SNAP23: variants seen among roughly 807,000 people sequenced by gnomAD.
SNAP23 encodes synaptosomal-associated protein 23.
In SNAP23, 11 loss-of-function variants were observed where a neutral mutation model predicts 29.0. That is an observed-to-expected ratio of 0.38 (90% confidence interval 0.24 to 0.63). The LOEUF (loss-of-function observed/expected upper bound fraction) is 0.63. Ranked by LOEUF, SNAP23 falls within the 20% of genes least tolerant of loss-of-function variation. SNAP23 has a pLI of 0.58. For missense variants in SNAP23, 220 were observed against 253.9 expected, an observed-to-expected ratio of 0.87 and a Z score of 0.91; for synonymous variants, 60 against 82.9, an observed-to-expected ratio of 0.72 and a Z score of 1.50.
chr15:42,491,429 A>C (rs1375284825), upstream of SNAP23: 1 of 152,222 alleles, frequency 6.6e-6, no homozygotes, highest in East Asian at 1.9e-4. Flanking sequence ...TCCTTTAGTC[A>C]GTGGCAACTG....
At chr15:42,494,838 T>G (rs550181706), upstream of SNAP23, among the ~76,000 whole-genome samples, 3 of 152,242 alleles carry the variant, frequency 2.0e-5, no homozygotes, top group Admixed American at 2.0e-4. Context: ...CTTTTCTTGA[T>G]TTCCAGCAGT....
intron 6 of SNAP23, 108 bp downstream of exon 6, chr15:42,528,528 T>A: frequency 1.8e-6 from 2 of 1,093,884 alleles, no homozygotes; most frequent in Non-Finnish European, 2.6e-6. Flanking sequence ...AAATTGTATT[T>A]ATTCCATTTT....
At chr15:42,500,477 C>T (rs866373515) in intron 1 of SNAP23, among the ~76,000 whole-genome samples, 1 of 150,020 alleles carries the variant, frequency 6.7e-6, no homozygotes, top group Non-Finnish European at 1.5e-5. Context: ...CAACCTCTGC[C>T]TCCTGGGTTC....
In SNAP23 at chr15:42,531,485, T is replaced by C; in HGVS notation, c.*7T>C. 1 of 1,592,698 alleles carries C rather than the reference T, an allele frequency of 6.3e-7. No individual in the cohort carries two copies. Among genetic ancestry groups the C allele is most frequent in the Non-Finnish European group, 8.6e-7 (1 of 1,167,432 alleles). On this transcript the variant is annotated 3_prime_UTR_variant, in exon 8 of 8. Coordinates refer to ENST00000249647, the MANE Select transcript of SNAP23 (RefSeq NM_003825.4). ...GAAACTCATTGACAGCTAAAGCTAC[T>C]GCTGTTCTTCTTTATCATTTATTCA... is the stretch of plus-strand genomic sequence containing the variant.
intron 1 of SNAP23, among the ~76,000 whole-genome samples, chr15:42,504,852 C>T (rs1429196506): frequency 1.3e-5 from 2 of 152,102 alleles, no homozygotes; most frequent in African/African-American, 2.4e-5. Flanking sequence ...CCTCTTGCTG[C>T]GGATGCATTG....
intron 5 of SNAP23, among the ~76,000 whole-genome samples, chr15:42,524,342 T>A (rs1464605396): frequency 6.6e-6 from 1 of 152,166 alleles, no homozygotes; most frequent in African/African-American, 2.4e-5. Context: ...TGCAGCCTAC[T>A]ATCTATGTGT....
intron 2 of SNAP23, chr15:42,512,344 A>AAAAT (rs1240047281): frequency 6.6e-6 from 1 of 152,164 alleles, no homozygotes; most frequent in Non-Finnish European, 1.5e-5. Flanking sequence ...GGAGCGCCTG[A>AAAAT]AAATAACTAA....
intron 5 of SNAP23, among the ~76,000 whole-genome samples, chr15:42,527,206 G>A (rs541002813): frequency 3.9e-5 from 6 of 152,160 alleles, no homozygotes; most frequent in East Asian, 1.9e-4. Flanking sequence ...ATGAATGACC[G>A]CTTGTGTGGT....
rs181654094 is a variant in SNAP23 at position 42,531,944 on chromosome 15, A to C, written c.*466A>C. 4 of 152,770 alleles carry C rather than the reference A, an allele frequency of 2.6e-5. No individual in the cohort carries two copies. Among genetic ancestry groups the C allele is most frequent in the African/African-American group, 9.6e-5 (4 of 41,598 alleles). 9.5% of individuals were successfully genotyped at this position (152,770 alleles called of 1,614,324 possible). On this transcript the variant is annotated 3_prime_UTR_variant, in exon 8 of 8. Transcript: ENST00000249647. The stretch of plus-strand genomic sequence containing the variant: ...AAAAAGTTGCATAGCCACAACGAAG[A>C]TCTAGTTGGATATAGTTTTTGATTT...
intron 5 of SNAP23, 115 bp downstream of exon 5, chr15:42,515,469 C>A: frequency 1.6e-6 from 1 of 644,584 alleles, no homozygotes; most frequent in Non-Finnish European, 2.7e-6. Context: ...TTAGATAAAT[C>A]TAAGTTGTCT....
In SNAP23 at chr15:42,512,589, G is replaced by A. The variant is rs7162677; in HGVS notation, c.58-366G>A. Among the ~76,000 whole-genome samples the A allele has an allele frequency of 9.3e-3, 1,416 of 152,140 alleles. 16 individuals carry two copies. Among genetic ancestry groups the A allele is most frequent in the African/African-American group, 0.033 (1,354 of 41,492 alleles). ...AGATGGGGTTTCACCTTGTTGGGCA[G>A]GCTGGTCTCAAACTTCTGACCTCGT... is the stretch of plus-strand genomic sequence containing the variant. On this transcript the variant is annotated intron_variant, in intron 2 of 7. Transcript: ENST00000249647.
chr15:42,495,028 C>T (rs1036282690), upstream of SNAP23, among the ~76,000 whole-genome samples: 3 of 152,116 alleles, frequency 2.0e-5, no homozygotes, highest in South Asian at 2.1e-4. Flanking sequence ...CCTCTACACT[C>T]GGGGATGTAC....
intron 1 of SNAP23, among the ~76,000 whole-genome samples, chr15:42,504,554 A>G (rs2057302329): frequency 1.3e-5 from 2 of 152,198 alleles, no homozygotes; most frequent in Non-Finnish European, 2.9e-5. Context: ...TTTGCCTACT[A>G]TTTATTTCCA....
upstream of SNAP23, chr15:42,491,166 T>C (rs1298750477): frequency 6.6e-6 from 1 of 152,298 alleles, no homozygotes; most frequent in African/African-American, 2.4e-5. Context: ...CGCTTTTTTT[T>C]CCTTTGCCGT....
Position 42,515,232 on chromosome 15 carries a change from C to T in SNAP23, c.149-5C>T. 2 of 1,561,190 alleles carry T rather than the reference C, an allele frequency of 1.3e-6. No individual in the cohort carries two copies. Among genetic ancestry groups the T allele is most frequent in the Non-Finnish European group, 8.7e-7 (1 of 1,146,560 alleles). ...CAAAGTGTTAACTTCACAACTTATT[C>T]TTAGAACAACTAAACCGCATAGAAG... On this transcript the variant is annotated splice_region_variant and splice_polypyrimidine_tract_variant and intron_variant, in intron 4 of 7. Coordinates refer to ENST00000249647, the MANE Select transcript of SNAP23 (RefSeq NM_003825.4).
At chr15:42,524,445 A>G (rs2057478360) in intron 5 of SNAP23, among the ~76,000 whole-genome samples, 1 of 152,140 alleles carries the variant, frequency 6.6e-6, no homozygotes, top group South Asian at 2.1e-4. Context: ...GGAGGTGAGC[A>G]TTATTGCCTG....
upstream of SNAP23, among the ~76,000 whole-genome samples, chr15:42,495,053 C>A (rs1251232286): frequency 1.3e-5 from 2 of 152,118 alleles, no homozygotes; most frequent in East Asian, 3.9e-4. Context: ...AGCACTAAGC[C>A]TCTAACAAGG....
At chr15:42,512,004 A>G (rs920785867) in intron 2 of SNAP23, 101 bp downstream of exon 2, 1 of 569,754 alleles carries the variant, frequency 1.8e-6, no homozygotes, top group Non-Finnish European at 3.0e-6. Context: ...TTCCTAGTCC[A>G]TTAATATCAA....
chr15:42,504,053 G>A (rs949973376), intron 1 of SNAP23, among the ~76,000 whole-genome samples: 4 of 152,008 alleles, frequency 2.6e-5, no homozygotes, highest in African/African-American at 4.8e-5. Flanking sequence ...ACCCTTGCCA[G>A]GCAAAGTGGC....
Sources: allele counts gnomAD v4.1 joint callset (sites outside exome capture counted in the v4.1 genomes callset), GRCh38; gene constraint gnomAD v4.1.1; transcripts MANE v1.5; gene names NCBI Gene and HGNC (gene_info 2026-07-23, HGNC 2026-07-21).